Variants in GOLM2 observed in about 807,000 individuals in gnomAD.
GOLM2 encodes the protein golgi membrane protein 2, also known as protein GOLM2.
Under a neutral mutation model 55.9 loss-of-function variants are expected in GOLM2, and 26 were observed. The ratio of observed to expected loss-of-function variants is 0.47; its 90% CI spans 0.34 to 0.65. The LOEUF (loss-of-function observed/expected upper bound fraction) is 0.65. Among genes scored for constraint, GOLM2 ranks in the 30% least tolerant of loss-of-function variants. The pLI is 0.01. For synonymous variants in GOLM2, 165 were observed against 194.6 expected (o/e 0.85, Z 1.27); for missense variants, 486 against 531.8 (o/e 0.91, Z 0.85).
intron 6 of GOLM2, among the ~76,000 whole-genome samples, chr15:44,368,241 G>C (rs1052862430): frequency 6.6e-6 from 1 of 150,814 alleles, no homozygotes; most frequent in Non-Finnish European, 1.5e-5. Flanking sequence ...GGGTTCAGTC[G>C]ATCCTCCCAC....
At chr15:44,387,945 A>G (rs1186480539) in intron 8 of GOLM2, among the ~76,000 whole-genome samples, 1 of 151,712 alleles carries the variant, frequency 6.6e-6, no homozygotes, top group East Asian at 2.0e-4. Flanking sequence ...CATTTCTTTT[A>G]TTCTATCTGG....
At chr15:44,345,613 C>T (rs890664737) in intron 6 of GOLM2, among the ~76,000 whole-genome samples, 1 of 152,054 alleles carries the variant, frequency 6.6e-6, no homozygotes, top group African/African-American at 2.4e-5. Flanking sequence ...AATATCTTCT[C>T]TGTATTATAC....
chr15:44,314,246 A>G (rs1362471455), intron 1 of GOLM2, among the ~76,000 whole-genome samples: 1 of 151,476 alleles, frequency 6.6e-6, no homozygotes, highest in Non-Finnish European at 1.5e-5. Context: ...CAAAAAAAAA[A>G]AAAGAAAAGA....
At chr15:44,295,132 C>G (rs1000891927) in intron 1 of GOLM2, among the ~76,000 whole-genome samples, 1 of 150,588 alleles carries the variant, frequency 6.6e-6, no homozygotes, top group Non-Finnish European at 1.5e-5. Context: ...CAGGCTGGAG[C>G]GCAGTGGCGC....
At chr15:44,319,923 A>G (rs1403131315) in intron 1 of GOLM2, among the ~76,000 whole-genome samples, 1 of 152,202 alleles carries the variant, frequency 6.6e-6, no homozygotes, top group Admixed American at 6.5e-5. Flanking sequence ...AAATTGACGT[A>G]TAATTCATGT....
intron 1 of GOLM2, among the ~76,000 whole-genome samples, chr15:44,315,465 C>T (rs1320121995): frequency 6.6e-6 from 1 of 151,994 alleles, no homozygotes; most frequent in Non-Finnish European, 1.5e-5. Flanking sequence ...TTTAGAGAAG[C>T]CACGTAGGAT....
At chr15:44,385,261 C>A (rs938605325) in intron 8 of GOLM2, among the ~76,000 whole-genome samples, 1 of 152,024 alleles carries the variant, frequency 6.6e-6, no homozygotes, top group African/African-American at 2.4e-5. Flanking sequence ...AAACCATTTT[C>A]CACAATAGCT....
At chr15:44,325,306 A>G (rs1415668072) in intron 2 of GOLM2, among the ~76,000 whole-genome samples, 1 of 152,228 alleles carries the variant, frequency 6.6e-6, no homozygotes, top group Non-Finnish European at 1.5e-5. Flanking sequence ...ATCATATTTT[A>G]CATGGGCTAA....
intron 6 of GOLM2, among the ~76,000 whole-genome samples, chr15:44,349,326 T>C (rs532930126): frequency 1.8e-4 from 27 of 148,504 alleles, no homozygotes; most frequent in African/African-American, 6.4e-4. Context: ...TCCATGCAAG[T>C]AGAAACCAAA....
chr15:44,313,035 T>C (rs2078884821), intron 1 of GOLM2, among the ~76,000 whole-genome samples: 1 of 151,184 alleles, frequency 6.6e-6, no homozygotes, highest in Non-Finnish European at 1.5e-5. Context: ...GCTGAGATCA[T>C]GCCATTGCAC....
intron 8 of GOLM2, among the ~76,000 whole-genome samples, chr15:44,383,261 T>C (rs537124343): frequency 6.6e-6 from 1 of 151,986 alleles, no homozygotes; most frequent in African/African-American, 2.4e-5. Context: ...GTTACTATCA[T>C]TTTTTTTCTC....
chr15:44,391,420 G>A (rs2079488187), intron 8 of GOLM2, among the ~76,000 whole-genome samples: 1 of 151,968 alleles, frequency 6.6e-6, no homozygotes. Context: ...GGGAGGCTGA[G>A]GCAGGAGAAT....
At chr15:44,310,948 C>T (rs1035599271) in intron 1 of GOLM2, among the ~76,000 whole-genome samples, 2 of 151,572 alleles carry the variant, frequency 1.3e-5, no homozygotes, top group Non-Finnish European at 2.9e-5. Flanking sequence ...ACCCGGGAGG[C>T]GGAGGTTGCA....
chr15:44,362,478 C>T (rs1401164485), intron 6 of GOLM2, among the ~76,000 whole-genome samples: 1 of 151,160 alleles, frequency 6.6e-6, no homozygotes, highest in Non-Finnish European at 1.5e-5. Flanking sequence ...AGGAATCCAA[C>T]TTACAAGGGA....
At chr15:44,330,841 G>A (rs1003232124) in intron 3 of GOLM2, among the ~76,000 whole-genome samples, 10 of 152,128 alleles carry the variant, frequency 6.6e-5, no homozygotes, top group Admixed American at 6.6e-4. Context: ...TGCTTTTACA[G>A]CATAGATGAA....
intron 1 of GOLM2, chr15:44,308,330 A>G (rs1280306748): frequency 2.6e-5 from 4 of 152,106 alleles, no homozygotes; most frequent in African/African-American, 9.7e-5. Context: ...GTCCTTTTTT[A>G]TCTGGCTTAT....
intron 1 of GOLM2, among the ~76,000 whole-genome samples, chr15:44,293,702 A>G (rs920073340): frequency 5.9e-5 from 9 of 152,164 alleles, no homozygotes; most frequent in African/African-American, 1.9e-4. Context: ...TTTCAAAATG[A>G]TTTATCACTA....
chr15:44,410,119 G>C (rs1015608892), intron 9 of GOLM2, among the ~76,000 whole-genome samples: 1 of 151,900 alleles, frequency 6.6e-6, no homozygotes. Flanking sequence ...TTTCTGGAGA[G>C]GTACCCGTGA....
chr15:44,338,337 G>T lies in GOLM2; in HGVS notation c.802+20G>T. 6.4e-7 allele frequency: 1 copy of T among 1,573,202 alleles called. No individual in the cohort carries two copies. Among genetic ancestry groups the T allele is most frequent in the Non-Finnish European group, 8.7e-7 (1 of 1,143,598 alleles). Reference sequence around the variant, plus strand: ...CCCCTGGTAAGTAAAAATTGTTAGAGAATTCGACTAAAGTGATGATAATAC... The same window carrying T: ...CCCCTGGTAAGTAAAAATTGTTAGATAATTCGACTAAAGTGATGATAATAC... On this transcript the variant is annotated intron_variant, in intron 6 of 9. Transcript: ENST00000299957.
Sources: allele counts gnomAD v4.1 joint callset (sites outside exome capture counted in the v4.1 genomes callset), GRCh38; gene constraint gnomAD v4.1.1; transcripts MANE v1.5; gene names NCBI Gene and HGNC (gene_info 2026-07-23, HGNC 2026-07-21).